SPEF2: variants seen among roughly 807,000 people sequenced by gnomAD.
The protein encoded by SPEF2 is sperm flagellar and cilia associated 2, also known as sperm flagella and cilia-associated protein 2.
A neutral mutation model predicts 224.6 loss-of-function variants in SPEF2; 187 were observed. The ratio of observed to expected loss-of-function variants is 0.83; its 90% CI spans 0.74 to 0.94. The LOEUF is 0.94. SPEF2 is among the 40% of genes least tolerant of loss of function. SPEF2 has a pLI of 0.00. For missense variants in SPEF2, 2,170 were observed against 2,135.6 expected, an observed-to-expected ratio of 1.02 and a Z score of -0.32; for synonymous variants, 715 against 707.3, an observed-to-expected ratio of 1.01 and a Z score of -0.17.
intron 2 of SPEF2, chr5:35,632,850 A>T (rs1745318774): frequency 6.6e-6 from 1 of 152,130 alleles, no homozygotes; most frequent in African/African-American, 2.4e-5. Flanking sequence ...TAATTTCCAC[A>T]TACTTTTGAA....
At chr5:35,738,862 T>G (rs1747102667) in intron 21 of SPEF2, among the ~76,000 whole-genome samples, 1 of 152,130 alleles carries the variant, frequency 6.6e-6, no homozygotes. Flanking sequence ...TAAGATCAGT[T>G]AGTAAACTGC....
chr5:35,665,919 G>A (rs1046043528), intron 8 of SPEF2, among the ~76,000 whole-genome samples: 8 of 152,072 alleles, frequency 5.3e-5, no homozygotes, highest in African/African-American at 9.7e-5. Context: ...AACAGTAATA[G>A]CAAAACAAAT....
At chr5:35,753,260 T>C (rs1749950452) in intron 23 of SPEF2, among the ~76,000 whole-genome samples, 2 of 152,162 alleles carry the variant, frequency 1.3e-5, no homozygotes, top group African/African-American at 4.8e-5. Flanking sequence ...CATATTTTTT[T>C]CCACCACCAA....
chr5:35,649,413 A>G lies in SPEF2; in HGVS notation c.779A>G (p.Gln260Arg), dbSNP rs766687517. 4.2e-5 allele frequency: 68 copies of G among 1,611,452 alleles called. No individual in the cohort carries two copies. The highest frequency in any genetic ancestry group is 1.6e-4 in the Middle Eastern group (1 of 6,072). Reference sequence around the variant, plus strand: ...GAAGCATTAATAAAAAAGGATCTCCAAGCAAAAGAAAGGTGAGATGTGAGC... The same window carrying G: ...GAAGCATTAATAAAAAAGGATCTCCGAGCAAAAGAAAGGTGAGATGTGAGC... ...KFEALIKKDL[Q>R]AKESASKTSL... The change falls in exon 6 of 37, where the codon CAA becomes CGA. Residue 260 changes from glutamine (Q) to arginine (R), a missense_variant. Physicochemically the swap from Gln to Arg is conservative, Grantham distance 43. Coordinates refer to ENST00000356031, the MANE Select transcript of SPEF2 (RefSeq NM_024867.4).
chr5:35,705,521 T>G (rs1739572080), intron 17 of SPEF2, 130 bp from the exon 18 acceptor site: 3 of 610,824 alleles, frequency 4.9e-6, no homozygotes, highest in South Asian at 5.6e-5. Flanking sequence ...ATAAATAACA[T>G]TGTTTCTTTT....
chr5:35,662,726 T>C (rs1749916634), intron 8 of SPEF2, among the ~76,000 whole-genome samples: 2 of 152,200 alleles, frequency 1.3e-5, no homozygotes, highest in South Asian at 4.1e-4. Context: ...TTGTTGAAGA[T>C]CTGATGACTG....
intron 27 of SPEF2, 67 bp from the exon 28 acceptor site, chr5:35,773,826 G>C (rs949846719): frequency 1.3e-6 from 2 of 1,532,682 alleles, no homozygotes; most frequent in Non-Finnish European, 1.8e-6. Flanking sequence ...TGCTCATTCT[G>C]TCCAAGTACT....
Position 35,654,455 on chromosome 5 carries a change from C to T in SPEF2, c.792-85C>T, listed in dbSNP as rs955697514. ...AACAGTGAACTCAAGGGATCCTTCT[C>T]CTGAGGTCTTTCTCCATAGTCACAG... is the stretch of plus-strand genomic sequence containing the variant. On this transcript the variant is annotated intron_variant, in intron 6 of 36. Coordinates refer to ENST00000356031, the MANE Select transcript of SPEF2 (RefSeq NM_024867.4). 4 of 1,108,218 alleles carry T rather than the reference C, an allele frequency of 3.6e-6. No homozygotes were observed. The African/African-American group carries it at 4.8e-5, about 13-fold the overall frequency. The allele number at this position is 1,108,218 out of a possible 1,614,324, so 68.6% of individuals were successfully genotyped here. A position where few individuals can be genotyped will look rare whatever the true frequency, so the allele number is the denominator to read the frequency against.
At position 35,763,389 on chromosome 5, in the gene SPEF2, A is replaced by G. The variant is rs2149758826; in HGVS notation, c.3621-133A>G. The G allele has an allele frequency of 3.5e-6, 3 of 857,346 alleles. No individual in the cohort carries two copies. The East Asian group carries it at 8.4e-5, about 24-fold the overall frequency. The allele number at this position is 857,346 out of a possible 1,614,324, so 53.1% of individuals were successfully genotyped here. ...TGTTTTATAATCTTTTCTCCATTAA[A>G]ATAATTCTTTCAGGAAAACTTTGAA... On this transcript the variant is annotated intron_variant, in intron 25 of 36. Transcript: ENST00000356031.
At chr5:35,781,698 G>A (rs1754368166) in intron 30 of SPEF2, 1 of 152,150 alleles carries the variant, frequency 6.6e-6, no homozygotes, top group South Asian at 2.1e-4. Flanking sequence ...ATGATTCAAA[G>A]TGAGTTATGT....
intron 2 of SPEF2, among the ~76,000 whole-genome samples, chr5:35,636,536 G>C (rs557414837): frequency 2.0e-5 from 3 of 152,164 alleles, no homozygotes; most frequent in African/African-American, 7.2e-5. Context: ...ACTGTCTCAG[G>C]TAACTGTGAT....
intron 34 of SPEF2, among the ~76,000 whole-genome samples, chr5:35,802,354 A>G (rs1757534034): frequency 6.6e-6 from 1 of 152,188 alleles, no homozygotes; most frequent in East Asian, 1.9e-4. Context: ...GCACATTCAC[A>G]CACACACATT....
chr5:35,627,368 G>A (rs762154502), intron 1 of SPEF2, among the ~76,000 whole-genome samples: 20 of 152,156 alleles, frequency 1.3e-4, no homozygotes, highest in African/African-American at 2.6e-4. Flanking sequence ...TTGGGAGGCC[G>A]AGTCAGGTGG....
chr5:35,667,043 G>T (rs1561162435), intron 8 of SPEF2, 29 bp from the exon 9 acceptor site: 3 of 1,565,850 alleles, frequency 1.9e-6, no homozygotes, highest in South Asian at 2.5e-5. Flanking sequence ...CAATTATAGT[G>T]ACTTAAAAAT....
intron 23 of SPEF2, among the ~76,000 whole-genome samples, chr5:35,743,344 A>T (rs539533175): frequency 1.8e-4 from 28 of 152,216 alleles, no homozygotes; most frequent in African/African-American, 6.5e-4. Flanking sequence ...AAAGGCAGAG[A>T]AACCTCTAGA....
intron 30 of SPEF2, among the ~76,000 whole-genome samples, chr5:35,784,461 C>T (rs1176380203): frequency 6.6e-6 from 1 of 152,106 alleles, no homozygotes; most frequent in East Asian, 1.9e-4. Context: ...GCCTCAGAGA[C>T]AGAGGGTACA....
chr5:35,810,512 C>T (rs144328363), intron 36 of SPEF2, among the ~76,000 whole-genome samples: 11 of 152,316 alleles, frequency 7.2e-5, no homozygotes, highest in Admixed American at 6.5e-4. Flanking sequence ...ACATTCCCCT[C>T]ATTTCTGAAG....
At chr5:35,667,484 G>C (rs1338441513) in intron 9 of SPEF2, among the ~76,000 whole-genome samples, 3 of 152,046 alleles carry the variant, frequency 2.0e-5, no homozygotes, top group Non-Finnish European at 4.4e-5. Flanking sequence ...GAAAATTAAA[G>C]TGGATCATAG....
intron 26 of SPEF2, among the ~76,000 whole-genome samples, chr5:35,771,168 A>T (rs1481907006): frequency 6.6e-6 from 1 of 152,192 alleles, no homozygotes; most frequent in Non-Finnish European, 1.5e-5. Flanking sequence ...AATAAAAAAA[A>T]AACTCTGTAG....
Sources: gnomAD v4.1 joint callset for allele counts (sites outside exome capture counted in the v4.1 genomes callset) on GRCh38, gnomAD v4.1.1 for gene constraint, MANE v1.5 for transcripts, NCBI Gene and HGNC (gene_info 2026-07-23, HGNC 2026-07-21) for gene names.